NEB: variants seen among roughly 807,000 people sequenced by gnomAD.
The protein encoded by NEB is nebulin.
NEB carries 512 observed loss-of-function variants against 952.2 expected under a neutral mutation model. The observed-to-expected ratio is 0.54, with a 90% CI of 0.50 to 0.58. The LOEUF (loss-of-function observed/expected upper bound fraction) is 0.58. Ranked by LOEUF, NEB falls within the 20% of genes least tolerant of loss-of-function variation. The pLI is 0.00. For missense variants in NEB, 8,428 were observed against 9,231.1 expected (o/e 0.91, Z 3.56); for synonymous variants, 2,900 against 3,149.8 (o/e 0.92, Z 2.66).
intron 63 of NEB, among the ~76,000 whole-genome samples, 165 bp from the exon 64 acceptor site, chr2:151,636,499 G>T (rs1263659623): frequency 1.3e-5 from 2 of 152,208 alleles, no homozygotes. Context: ...CAAAAATGAG[G>T]CTAGGTGTGG....
intron 10 of NEB, among the ~76,000 whole-genome samples, chr2:151,713,118 T>C (rs2099749717): frequency 6.6e-6 from 1 of 152,076 alleles, no homozygotes; most frequent in African/African-American, 2.4e-5. Flanking sequence ...TCCTCAGAGG[T>C]CAGCTGAGGG....
At chr2:151,675,885 T>C (rs187573055) in intron 34 of NEB, among the ~76,000 whole-genome samples, 1,896 of 152,308 alleles carry the variant, frequency 0.012, 26 homozygotes, top group Non-Finnish European at 0.017. Flanking sequence ...GAATCTAGCA[T>C]ACTCAAAAGG....
intron 76 of NEB, among the ~76,000 whole-genome samples, chr2:151,615,722 G>A (rs972737281): frequency 1.3e-5 from 2 of 151,958 alleles, no homozygotes; most frequent in East Asian, 3.9e-4. Context: ...TGAAGACGGA[G>A]TGTTCAATTT....
chr2:151,489,206 T>G (rs900975167), intron 181 of NEB, among the ~76,000 whole-genome samples: 20 of 152,216 alleles, frequency 1.3e-4, no homozygotes, highest in African/African-American at 4.3e-4. Context: ...GTTGTCTTCA[T>G]ACAAAGATTG....
chr2:151,541,633 A>G, intron 135 of NEB, 82 bp from the exon 136 acceptor site: 2 of 1,100,436 alleles, frequency 1.8e-6, no homozygotes. Context: ...CTGCTTTTAC[A>G]TAGAAAAGGC....
Position 151,610,974 on chromosome 2 carries a change from C to T in NEB, c.11806-108G>A, listed in dbSNP as rs111969069. On this transcript the variant is annotated intron_variant, in intron 78 of 181. Coordinates refer to ENST00000397345, the MANE Select transcript of NEB (RefSeq NM_001164508.2). ...GTTAGCAAATTTAACTCACATTTAACTATAAAATAGCTCCTTCTAATGCTT... is the reference window on the plus strand; with the variant it reads ...GTTAGCAAATTTAACTCACATTTAATTATAAAATAGCTCCTTCTAATGCTT... 4.8e-3 allele frequency: 3,224 copies of T among 670,214 alleles called. 39 individuals are homozygous for T. The highest frequency in any genetic ancestry group is 0.033 in the East Asian group (1,198 of 36,068). The allele number at this position is 670,214 out of a possible 1,614,324, so 41.5% of individuals were successfully genotyped here.
At chr2:151,487,390 G>C (rs1261415505) in intron 181 of NEB, among the ~76,000 whole-genome samples, 2 of 152,138 alleles carry the variant, frequency 1.3e-5, no homozygotes, top group Non-Finnish European at 2.9e-5. Flanking sequence ...AAATTCACAT[G>C]CATATATTCA....
Position 151,643,108 on chromosome 2 carries a change from C to T in NEB, c.8160+42G>A, listed in dbSNP as rs760783024. The T allele has an allele frequency of 4.5e-6, 7 of 1,559,464 alleles. No homozygotes were observed. In the South Asian group the frequency reaches 7.0e-5, roughly 15 times the overall value. On this transcript the variant is annotated intron_variant, in intron 58 of 181. Transcript: ENST00000397345. ...AAACAGACTTCAGTGTTTCCATAAA[C>T]AAAAAAAATTAATAACCTCCTCAAA...
At chr2:151,565,266 T>C (rs2096302794) in intron 116 of NEB, 118 bp from the exon 117 acceptor site, 1 of 671,034 alleles carries the variant, frequency 1.5e-6, no homozygotes, top group Non-Finnish European at 2.5e-6. Context: ...TGGTTGAATT[T>C]TAGCCCATTT....
intron 178 of NEB, 64 bp from the exon 179 acceptor site, chr2:151,491,839 G>T: frequency 1.5e-6 from 2 of 1,336,734 alleles, no homozygotes; most frequent in Middle Eastern, 1.8e-4. Context: ...TGAAAACCAA[G>T]GCATGAATTT....
chr2:151,643,025 T>C (rs887700934), intron 58 of NEB, 125 bp downstream of exon 58: 5 of 1,204,274 alleles, frequency 4.2e-6, no homozygotes, highest in Non-Finnish European at 5.9e-6. Flanking sequence ...AGAAGCACAA[T>C]ACTTTAAAAC....
At chr2:151,716,621 A>G (rs923061785) in intron 10 of NEB, among the ~76,000 whole-genome samples, 10 of 152,180 alleles carry the variant, frequency 6.6e-5, no homozygotes, top group African/African-American at 1.7e-4. Flanking sequence ...AAACACTAAT[A>G]AACATCACTG....
At chr2:151,726,809 T>C (rs951283025) in intron 5 of NEB, among the ~76,000 whole-genome samples, 8 of 152,154 alleles carry the variant, frequency 5.3e-5, no homozygotes, top group Non-Finnish European at 2.9e-5. Flanking sequence ...GAGGATCACC[T>C]GTGGCCAGGA....
At chr2:151,631,524 A>C (rs1444200935) in intron 65 of NEB, among the ~76,000 whole-genome samples, 178 bp from the exon 66 acceptor site, 1 of 152,230 alleles carries the variant, frequency 6.6e-6, no homozygotes, top group Non-Finnish European at 1.5e-5. Flanking sequence ...TCTCCTAGCC[A>C]TAATAAAAAG....
rs577350705 is a variant in NEB, at chr2:151,492,388, G to A, written c.24872C>T (p.Thr8291Met). ...RVRETQRHIS[T>M]VKYHEDFEKH... ...AATCCTAAAGAATTCCTGACTCACC[G>A]TTGAGATGTGCCGTTGGGTCTCCCT... The change falls in exon 177 of 182, where the codon ACG (threonine) becomes ATG (methionine). Residue 8291 changes from threonine to methionine, a missense_variant and splice_region_variant. By Grantham distance (81) the Thr-to-Met change is moderately conservative. Around this residue, in one of 11 missense-constraint regions of NEB, gnomAD observed 3,374 missense variants for 3,651.5 expected, o/e 0.92. Coordinates refer to ENST00000397345, the MANE Select transcript of NEB (RefSeq NM_001164508.2). 23 of 1,600,838 alleles carry A rather than the reference G, an allele frequency of 1.4e-5. No individual in the cohort carries two copies. The highest frequency in any genetic ancestry group is 3.4e-5 in the Admixed American group (2 of 58,574).
intron 112 of NEB, 56 bp from the exon 113 acceptor site, chr2:151,568,234 A>G: frequency 6.3e-7 from 1 of 1,587,824 alleles, no homozygotes; most frequent in East Asian, 2.2e-5. Flanking sequence ...GGGAGGGGTA[A>G]GTTGTGTGCA....
chr2:151,666,005 A>C, intron 41 of NEB, 85 bp downstream of exon 41: 2 of 1,347,894 alleles, frequency 1.5e-6, no homozygotes, highest in Non-Finnish European at 2.0e-6. Flanking sequence ...CAGTGAGTGC[A>C]GCCAGGTGTG....
At position 151,567,075 on chromosome 2, in the gene NEB, C is replaced by T. The variant is rs1416090001; in HGVS notation, c.18156+93G>A. The T allele has an allele frequency of 5.1e-6, 6 of 1,170,606 alleles. No homozygotes were observed. In the African/African-American group the frequency reaches 9.2e-5, roughly 18 times the overall value. The allele number at this position is 1,170,606 out of a possible 1,614,324, so 72.5% of individuals were successfully genotyped here. A position where few individuals can be genotyped will look rare whatever the true frequency, so the allele number is the denominator to read the frequency against. ...GGAACAAATTAAATATCGATGGCCT[C>T]AAATTTCAAGCACTTGTGGATCTGG... On this transcript the variant is annotated intron_variant, in intron 114 of 181. Transcript: ENST00000397345.
rs768084292 is a variant in NEB at position 151,650,851 on chromosome 2, C to G, written c.6950G>C (p.Gly2317Ala). 1.9e-6 allele frequency: 3 copies of G among 1,613,164 alleles called. No individual in the cohort carries two copies. Among genetic ancestry groups the G allele is most frequent in the Admixed American group, 3.3e-5 (2 of 60,006 alleles). The change falls in exon 53 of 182, where the codon GGC (glycine) becomes GCC (alanine). Residue 2317 changes from glycine to alanine, a missense_variant. By Grantham distance (60) the Gly-to-Ala change is moderately conservative. Transcript: ENST00000397345. ...CAGACTCCGGAATCCAACATGGTGGCCAAGTTGCTTTCGGTAGCCTTGTTT... is the reference window on the plus strand; with the variant it reads ...CAGACTCCGGAATCCAACATGGTGGGCAAGTTGCTTTCGGTAGCCTTGTTT... ...KYKQGYRKQL[G>A]HHVGFRSLQD... is the part of the protein sequence containing the mutation.
Sources: gnomAD v4.1 joint callset for allele counts (sites outside exome capture counted in the v4.1 genomes callset) on GRCh38, gnomAD v4.1.1 for gene constraint, gnomAD v4.1.1 regional missense constraint, MANE v1.5 for transcripts, NCBI Gene and HGNC (gene_info 2026-07-23, HGNC 2026-07-21) for gene names.